The following NTNG1 variants were observed in gnomAD, a reference collection of about 807,000 sequenced individuals.
The protein encoded by NTNG1 is netrin-G1.
A neutral mutation model predicts 54.0 loss-of-function variants in NTNG1; 16 were observed. The observed-to-expected ratio is 0.30, with a 90% CI of 0.20 to 0.45. The LOEUF is 0.45. Ranked by LOEUF, NTNG1 falls within the 20% of genes least tolerant of loss-of-function variation. The pLI is 1.00. For missense variants in NTNG1, 530 were observed against 678.7 expected (o/e 0.78, Z 2.43); for synonymous variants, 255 against 263.1 (o/e 0.97, Z 0.30).
chr1:107,264,579 G>A (rs977918407), intron 2 of NTNG1, among the ~76,000 whole-genome samples: 36 of 152,070 alleles, frequency 2.4e-4, no homozygotes, highest in African/African-American at 8.7e-4. Context: ...TATTCTCTGA[G>A]GATAATTCTT....
At chr1:107,419,239 C>CCTCTCTCT (rs147796224) in intron 5 of NTNG1, among the ~76,000 whole-genome samples, 2 of 148,188 alleles carry the variant, frequency 1.3e-5, no homozygotes, top group South Asian at 2.2e-4. Flanking sequence ...CCTCCTCCCT[C>CCTCTCTCT]CTCTCTCTCT....
Position 107,217,078 on chromosome 1 carries a change from G to C in NTNG1, c.246+68239G>C, listed in dbSNP as rs1190062226. Among the ~76,000 whole-genome samples the C allele has an allele frequency of 2.6e-5, 4 of 152,138 alleles. No homozygotes were observed. The East Asian group carries it at 7.7e-4, about 29-fold the overall frequency. On this transcript the variant is annotated intron_variant, in intron 2 of 7. Coordinates refer to ENST00000370068, the MANE Select transcript of NTNG1 (RefSeq NM_001113226.3). The stretch of plus-strand genomic sequence containing the variant: ...TCAGCAGTAAATCTGTCTGGTCCCA[G>C]ACTTTTTTTGTTGGTAACTTTTTAA...
Position 107,480,759 on chromosome 1 carries a change from C to T in NTNG1, c.1539C>T (p.Gly513=). ...CTGGCAGCTGCGGCTCCGACTCTGGCCAGGGCGCGCCCCCGCACGGCTCCC... is the reference window on the plus strand; with the variant it reads ...CTGGCAGCTGCGGCTCCGACTCTGGTCAGGGCGCGCCCCCGCACGGCTCCC... The part of the protein sequence containing the change: ...EEAGSCGSDS[G]QGAPPHGSPA... Residue 513 remains glycine (G), a synonymous_variant, in exon 8 of 8, where the codon GGC becomes GGT. Coordinates refer to ENST00000370068, the MANE Select transcript of NTNG1 (RefSeq NM_001113226.3). 1 of 1,605,506 alleles carries T rather than the reference C, an allele frequency of 6.2e-7. No homozygotes were observed. Among genetic ancestry groups the T allele is most frequent in the Middle Eastern group, 1.8e-4 (1 of 5,470 alleles).
chr1:107,141,805 C>T (rs983806727), intron 1 of NTNG1, among the ~76,000 whole-genome samples: 5 of 152,212 alleles, frequency 3.3e-5, no homozygotes, highest in African/African-American at 1.2e-4. Flanking sequence ...CTCTCTCACG[C>T]ACACCTGGCC....
intron 3 of NTNG1, among the ~76,000 whole-genome samples, chr1:107,336,185 CTT>C (rs1012269428): frequency 7.1e-5 from 10 of 140,898 alleles, no homozygotes; most frequent in Admixed American, 7.2e-5. Flanking sequence ...TGTTGTTGTT[CTT>C]TTTTTTTTTT....
intron 6 of NTNG1, among the ~76,000 whole-genome samples, chr1:107,435,106 G>C (rs1002382824): frequency 6.6e-6 from 1 of 151,852 alleles, no homozygotes; most frequent in African/African-American, 2.4e-5. Flanking sequence ...ATTCACGTTG[G>C]CCAGATGTAA....
intron 3 of NTNG1, among the ~76,000 whole-genome samples, chr1:107,369,510 C>T (rs1670794775): frequency 6.6e-6 from 1 of 152,060 alleles, no homozygotes; most frequent in Non-Finnish European, 1.5e-5. Flanking sequence ...TTGCATTGAA[C>T]ATCTTTCATT....
chr1:107,301,457 C>T (rs1188421339), intron 2 of NTNG1, among the ~76,000 whole-genome samples: 1 of 152,200 alleles, frequency 6.6e-6, no homozygotes, highest in Non-Finnish European at 1.5e-5. Context: ...TCCTGGCTGA[C>T]TTCAAACCCA....
At chr1:107,214,961 C>T (rs1215525210) in intron 2 of NTNG1, among the ~76,000 whole-genome samples, 2 of 151,716 alleles carry the variant, frequency 1.3e-5, no homozygotes, top group African/African-American at 2.4e-5. Flanking sequence ...GTCCTTAGCC[C>T]ACTTTTTGAT....
At position 107,222,799 on chromosome 1, in the gene NTNG1, C is replaced by CTTTTTTTT; in HGVS notation, c.246+73975_246+73982dup. ...CTAGAGAAAGGGAAGACCAGTGCTG[C>CTTTTTTTT]TTTTTTTTTTTTTTTTTTTTTTGGA... On this transcript the variant is annotated intron_variant, in intron 2 of 7. Coordinates refer to ENST00000370068, the MANE Select transcript of NTNG1 (RefSeq NM_001113226.3). Among the ~76,000 whole-genome samples, 2 of 109,024 alleles carry CTTTTTTTT rather than the reference C, an allele frequency of 1.8e-5. 1 individual carries two copies. Among genetic ancestry groups the CTTTTTTTT allele is most frequent in the African/African-American group, 7.3e-5 (2 of 27,532 alleles). 71.5% of individuals were successfully genotyped at this position (109,024 alleles called of 152,430 possible). A position where few individuals can be genotyped will look rare whatever the true frequency, so the allele number is the denominator to read the frequency against.
At chr1:107,142,691 C>T (rs2100993212) in intron 1 of NTNG1, among the ~76,000 whole-genome samples, 1 of 150,916 alleles carries the variant, frequency 6.6e-6, no homozygotes, top group Middle Eastern at 3.4e-3. Flanking sequence ...AAAAAAAACC[C>T]AGGAAGATCT....
chr1:107,198,501 G>T (rs1466574633), intron 2 of NTNG1, among the ~76,000 whole-genome samples: 1 of 151,892 alleles, frequency 6.6e-6, no homozygotes, highest in Non-Finnish European at 1.5e-5. Flanking sequence ...GGAAATCAAA[G>T]ATTTTAATGC....
chr1:107,436,536 C>G lies in NTNG1; in HGVS notation c.1256-129C>G, dbSNP rs919743846. 8.9e-6 allele frequency: 6 copies of G among 675,618 alleles called. No individual in the cohort carries two copies. The Admixed American group carries it at 1.7e-4, about 19-fold the overall frequency. 41.9% of individuals were successfully genotyped at this position (675,618 alleles called of 1,614,324 possible). A position where few individuals can be genotyped will look rare whatever the true frequency, so the allele number is the denominator to read the frequency against. ...AATGGTTGTGAAATAGCCATATTTG[C>G]CGAAGCATTTCATTAATGGACATCT... On this transcript the variant is annotated intron_variant, in intron 6 of 7. Coordinates refer to ENST00000370068, the MANE Select transcript of NTNG1 (RefSeq NM_001113226.3).
At position 107,480,595 on chromosome 1, in the gene NTNG1, C is replaced by A; in HGVS notation, c.1391-16C>A. ...CCCCGCGCCCACCCACCCCTACCTT[C>A]CCCCTCATTCTGCAGCGAATGTCTG... On this transcript the variant is annotated splice_polypyrimidine_tract_variant and intron_variant, in intron 7 of 7. Coordinates refer to ENST00000370068, the MANE Select transcript of NTNG1 (RefSeq NM_001113226.3). 5 of 360,120 alleles carry A rather than the reference C, an allele frequency of 1.4e-5. No homozygotes were observed. Among genetic ancestry groups the A allele is most frequent in the African/African-American group, 2.6e-5 (1 of 38,676 alleles). 22.3% of individuals were successfully genotyped at this position (360,120 alleles called of 1,614,324 possible).
intron 2 of NTNG1, among the ~76,000 whole-genome samples, chr1:107,314,000 T>C (rs1024016589): frequency 6.6e-6 from 1 of 152,194 alleles, no homozygotes; most frequent in Non-Finnish European, 1.5e-5. Flanking sequence ...TACTGAAAAG[T>C]TTATTTTCTC....
At chr1:107,445,995 A>G (rs1369260310) in intron 7 of NTNG1, among the ~76,000 whole-genome samples, 3 of 152,132 alleles carry the variant, frequency 2.0e-5, no homozygotes, top group Non-Finnish European at 2.9e-5. Flanking sequence ...TGGCTTGCAG[A>G]TCATAGTTTG....
intron 3 of NTNG1, among the ~76,000 whole-genome samples, chr1:107,345,249 C>T (rs1243596355): frequency 6.6e-6 from 1 of 152,176 alleles, no homozygotes; most frequent in African/African-American, 2.4e-5. Context: ...CTCTACCCTG[C>T]TTGATGACAG....
Position 107,244,646 on chromosome 1 carries a change from T to C in NTNG1, c.247-79636T>C, listed in dbSNP as rs547526462. 6.6e-5 allele frequency among the ~76,000 whole-genome samples: 10 copies of C among 152,354 alleles called. No individual in the cohort carries two copies. The East Asian group carries it at 1.9e-3, about 29-fold the overall frequency. On this transcript the variant is annotated intron_variant, in intron 2 of 7. Transcript: ENST00000370068. ...TATATTTTTGAGTTTCCTTTCTCTG[T>C]GTCTCCCTCTTCCTTCCTCCTTCTC...
intron 3 of NTNG1, among the ~76,000 whole-genome samples, chr1:107,343,776 C>G (rs972270682): frequency 1.3e-5 from 2 of 152,112 alleles, no homozygotes; most frequent in Non-Finnish European, 2.9e-5. Flanking sequence ...AAACATTTCT[C>G]TTTGTTTGTT....
Sources: allele counts gnomAD v4.1 joint callset (sites outside exome capture counted in the v4.1 genomes callset), GRCh38; gene constraint gnomAD v4.1.1; transcripts MANE v1.5; gene names NCBI Gene and HGNC (gene_info 2026-07-23, HGNC 2026-07-21).